The following MEF2C variants were observed in gnomAD, a reference collection of about 807,000 sequenced individuals.
MEF2C encodes myocyte enhancer factor 2C, also known as myocyte-specific enhancer factor 2C.
Under a neutral mutation model 50.5 loss-of-function variants are expected in MEF2C, and 6 were observed. That is an observed-to-expected ratio of 0.12 (90% CI 0.07 to 0.23). The LOEUF (loss-of-function observed/expected upper bound fraction) is 0.23, where lower values mean the gene tolerates loss of function less well. Ranked by LOEUF, MEF2C falls within the 10% of genes least tolerant of loss-of-function variation. The pLI, the probability that MEF2C is intolerant of heterozygous loss-of-function variation, is 1.00. For missense variants in MEF2C, 276 were observed against 605.0 expected (o/e 0.46, Z 5.70); for synonymous variants, 183 against 228.0 (o/e 0.80, Z 1.78).
chr5:88,730,596 T>A (rs1250276866), intron 7 of MEF2C, among the ~76,000 whole-genome samples: 17 of 152,192 alleles, frequency 1.1e-4, no homozygotes, highest in Non-Finnish European at 2.9e-5. Flanking sequence ...CATCACAGAT[T>A]CCCTGGGACA....
chr5:88,849,611 C>T (rs1040910782), intron 1 of MEF2C, among the ~76,000 whole-genome samples: 1 of 152,152 alleles, frequency 6.6e-6, no homozygotes, highest in Non-Finnish European at 1.5e-5. Context: ...TTCTCTGTTT[C>T]AGGCAAATGA....
intron 1 of MEF2C, chr5:88,825,383 C>A: frequency 1.7e-6 from 1 of 581,652 alleles, no homozygotes; most frequent in Non-Finnish European, 2.2e-6. Context: ...TTTTGCCTCA[C>A]GCCTCTCTAC....
At chr5:88,856,624 C>G (rs1180698177) in intron 1 of MEF2C, among the ~76,000 whole-genome samples, 23 of 152,228 alleles carry the variant, frequency 1.5e-4, no homozygotes, top group Admixed American at 1.4e-3. Context: ...AGTCTTGGGA[C>G]TTGGTGCCCT....
intron 6 of MEF2C, chr5:88,734,565 G>GTTTTTTGTTT (rs1763143720): frequency 4.3e-6 from 2 of 460,472 alleles, no homozygotes; most frequent in African/African-American, 1.0e-4. Flanking sequence ...AGAAAAGTTT[G>GTTTTTTGTTT]TTTTTTTTTT....
chr5:88,799,849 TTCTCTCTCTC>T (rs1235744521), intron 3 of MEF2C, among the ~76,000 whole-genome samples: 5 of 119,354 alleles, frequency 4.2e-5, no homozygotes, highest in African/African-American at 1.6e-4. Context: ...GTCCCTTTCC[TTCTCTCTCTC>T]TCTCTCTCTC....
chr5:88,766,831 AC>A lies in MEF2C; in HGVS notation c.259-5504del, dbSNP rs1780269474. 4 of 985,244 alleles carry A rather than the reference AC, an allele frequency of 4.1e-6. No individual in the cohort carries two copies. In the African/African-American group the frequency reaches 7.0e-5, roughly 17 times the overall value. 61.0% of individuals were successfully genotyped at this position (985,244 alleles called of 1,614,324 possible). On this transcript the variant is annotated intron_variant, in intron 3 of 10. Coordinates refer to ENST00000504921, the MANE Select transcript of MEF2C (RefSeq NM_002397.5). ...GCATCAATGTCATGTTCACACAAAA[AC>A]CAAGAAAAAAAAGCATCAACTTAGA...
At chr5:88,787,994 C>A (rs1287079498) in intron 3 of MEF2C, among the ~76,000 whole-genome samples, 1 of 152,160 alleles carries the variant, frequency 6.6e-6, no homozygotes, top group South Asian at 2.1e-4. Context: ...TAAATGCCAA[C>A]TGAGTGATTC....
chr5:88,842,810 A>G (rs1166718964), intron 1 of MEF2C, among the ~76,000 whole-genome samples: 1 of 152,180 alleles, frequency 6.6e-6, no homozygotes, highest in East Asian at 1.9e-4. Context: ...AATAATAATA[A>G]TCTTCTTTAA....
chr5:88,786,751 AGT>A (rs1256781970), intron 3 of MEF2C, among the ~76,000 whole-genome samples: 4 of 152,326 alleles, frequency 2.6e-5, no homozygotes, highest in Non-Finnish European at 5.9e-5. Flanking sequence ...TACATTTATT[AGT>A]CTCACTTTTA....
chr5:88,897,872 A>G (rs977099509), intron 1 of MEF2C, among the ~76,000 whole-genome samples: 10 of 152,140 alleles, frequency 6.6e-5, no homozygotes, highest in Non-Finnish European at 1.2e-4. Context: ...GGATGTTAAC[A>G]GTCTAGCTCA....
intron 5 of MEF2C, among the ~76,000 whole-genome samples, chr5:88,749,748 G>A (rs577680364): frequency 2.6e-5 from 4 of 152,190 alleles, no homozygotes; most frequent in African/African-American, 9.6e-5. Flanking sequence ...TTTTAGTTTT[G>A]GGCCTGGCGC....
intron 9 of MEF2C, 127 bp from the exon 10 acceptor site, chr5:88,728,755 T>C (rs1015385778): frequency 1.4e-6 from 1 of 699,114 alleles, no homozygotes; most frequent in Non-Finnish European, 2.1e-6. Flanking sequence ...ATATTTTTAA[T>C]TTTGAGGGGA....
At chr5:88,746,689 T>C (rs999085834) in intron 6 of MEF2C, 8 of 985,306 alleles carry the variant, frequency 8.1e-6, no homozygotes, top group Admixed American at 6.1e-5. Context: ...TGTGATTCTC[T>C]GACATCAGCA....
chr5:88,808,551 TAG>T (rs1160971467), intron 2 of MEF2C, among the ~76,000 whole-genome samples: 1 of 152,186 alleles, frequency 6.6e-6, no homozygotes, highest in Non-Finnish European at 1.5e-5. Flanking sequence ...TCAGTGCATA[TAG>T]CTTCTTCTGC....
At chr5:88,857,422 T>C (rs1043028178) in intron 1 of MEF2C, among the ~76,000 whole-genome samples, 2 of 152,198 alleles carry the variant, frequency 1.3e-5, no homozygotes, top group African/African-American at 2.4e-5. Flanking sequence ...TTTGGGTTAA[T>C]ATTAGAATGA....
Position 88,731,713 on chromosome 5 carries a change from T to C in MEF2C, c.810+16A>G, listed in dbSNP as rs748459509. On this transcript the variant is annotated intron_variant, in intron 7 of 10. Transcript: ENST00000504921. ...AAACATTATCAATATTTATTTAAAA[T>C]GTAGTTTTGTATTACCACTGATGGC... 2 of 1,605,936 alleles carry C rather than the reference T, an allele frequency of 1.2e-6. No individual in the cohort carries two copies. The highest frequency in any genetic ancestry group is 1.1e-5 in the South Asian group (1 of 90,846).
rs1232684291 is a variant in MEF2C at position 88,721,714 on chromosome 5, C to G, written c.*890G>C. ...ACTTCTACAAAGAGAAAACAGTTAT[C>G]TTGGTTAGCAAAGCATGGAGTTCTT... On this transcript the variant is annotated 3_prime_UTR_variant, in exon 11 of 11. Coordinates refer to ENST00000504921, the MANE Select transcript of MEF2C (RefSeq NM_002397.5). 1 of 152,504 alleles carries G rather than the reference C, an allele frequency of 6.6e-6. No homozygotes were observed. The highest frequency in any genetic ancestry group is 2.4e-5 in the African/African-American group (1 of 41,410). The allele number at this position is 152,504 out of a possible 1,614,324, so 9.4% of individuals were successfully genotyped here. A position where few individuals can be genotyped will look rare whatever the true frequency, so the allele number is the denominator to read the frequency against.
chr5:88,823,483 C>A (rs936859797), intron 2 of MEF2C, among the ~76,000 whole-genome samples: 6 of 151,912 alleles, frequency 3.9e-5, no homozygotes, highest in Non-Finnish European at 8.8e-5. Flanking sequence ...CACAACTACA[C>A]TTCCCATTTC....
intron 2 of MEF2C, among the ~76,000 whole-genome samples, chr5:88,816,503 C>CGTA (rs1805471983): frequency 9.0e-6 from 1 of 111,256 alleles, no homozygotes; most frequent in Non-Finnish European, 1.8e-5. Flanking sequence ...TTTGGAAACT[C>CGTA]TTACAAGTAT....
Sources: gnomAD v4.1 joint callset for allele counts (sites outside exome capture counted in the v4.1 genomes callset) on GRCh38, gnomAD v4.1.1 for gene constraint, MANE v1.5 for transcripts, NCBI Gene and HGNC (gene_info 2026-07-23, HGNC 2026-07-21) for gene names.